The following YWHAZ variants were observed in gnomAD, a reference collection of about 807,000 sequenced individuals.
YWHAZ encodes 14-3-3 protein zeta/delta.
For synonymous variants in YWHAZ, 87 were observed against 103.6 expected, an observed-to-expected ratio of 0.84 and a Z score of 0.97; for missense variants, 79 against 284.8, an observed-to-expected ratio of 0.28 and a Z score of 5.20.
At chr8:100,952,033 T>C, upstream of YWHAZ, 1 of 993,098 alleles carries the variant, frequency 1.0e-6, no homozygotes, top group Non-Finnish European at 1.2e-6. Context: ...TGGATCTCGC[T>C]GCTCACAGGC....
chr8:100,933,124 G>A (rs2130206479), intron 2 of YWHAZ, among the ~76,000 whole-genome samples: 1 of 152,304 alleles, frequency 6.6e-6, no homozygotes, highest in South Asian at 2.1e-4. Context: ...ACTTTGGGAG[G>A]CCGAGGTGGG....
chr8:100,930,651 T>TC (rs943577031), intron 2 of YWHAZ, among the ~76,000 whole-genome samples: 26 of 152,296 alleles, frequency 1.7e-4, no homozygotes, highest in African/African-American at 5.8e-4. Context: ...TTTACTTTTT[T>TC]CCCTCCCATT....
chr8:100,943,442 G>A (rs956999566), intron 2 of YWHAZ, among the ~76,000 whole-genome samples: 1 of 152,084 alleles, frequency 6.6e-6, no homozygotes, highest in Admixed American at 6.5e-5. Flanking sequence ...ATATAAATAT[G>A]CCAAGAGTAA....
upstream of YWHAZ, chr8:100,952,812 G>A (rs1664183937): frequency 2.0e-6 from 2 of 1,000,284 alleles, no homozygotes; most frequent in East Asian, 1.1e-4. Context: ...CGGGGCGCGC[G>A]GCCCCTCCCG....
At chr8:100,950,462 T>C (rs1563693416) in intron 1 of YWHAZ, 1 of 985,494 alleles carries the variant, frequency 1.0e-6, no homozygotes. Flanking sequence ...GACTTTAAAG[T>C]GCAAATTCTC....
chr8:100,949,054 G>C (rs1004991265), intron 1 of YWHAZ, among the ~76,000 whole-genome samples, 154 bp from the exon 2 acceptor site: 2 of 152,088 alleles, frequency 1.3e-5, no homozygotes, highest in Non-Finnish European at 2.9e-5. Flanking sequence ...CTCACAAAAG[G>C]ATAGTCAAAA....
intron 2 of YWHAZ, among the ~76,000 whole-genome samples, chr8:100,931,573 C>G (rs915512025): frequency 2.0e-5 from 3 of 152,088 alleles, no homozygotes; most frequent in Non-Finnish European, 4.4e-5. Flanking sequence ...TGAAATTCCA[C>G]CCTAACCCAT....
Position 100,920,576 on chromosome 8 carries a change from G to A in YWHAZ, c.*117C>T, listed in dbSNP as rs1231499396. 6 of 951,602 alleles carry A rather than the reference G, an allele frequency of 6.3e-6. No individual in the cohort carries two copies. The highest frequency in any genetic ancestry group is 6.6e-6 in the Non-Finnish European group (4 of 605,798). The allele number at this position is 951,602 out of a possible 1,614,324, so 58.9% of individuals were successfully genotyped here. A position where few individuals can be genotyped will look rare whatever the true frequency, so the allele number is the denominator to read the frequency against. ...CATGGGAAATATAGAAATTCAAATA[G>A]AAGTAACATAAACCTGTCATAAATC... On this transcript the variant is annotated 3_prime_UTR_variant, in exon 6 of 6. Transcript: ENST00000395958.
At chr8:100,946,779 T>G (rs572335039) in intron 2 of YWHAZ, among the ~76,000 whole-genome samples, 2 of 151,548 alleles carry the variant, frequency 1.3e-5, no homozygotes, top group East Asian at 3.9e-4. Flanking sequence ...ACACACCCTT[T>G]GAAGCCAAAA....
At chr8:100,945,823 A>G (rs888706034) in intron 2 of YWHAZ, among the ~76,000 whole-genome samples, 8 of 152,090 alleles carry the variant, frequency 5.3e-5, no homozygotes, top group African/African-American at 1.9e-4. Flanking sequence ...AGCTAGGGAA[A>G]TTTTGCAGTG....
chr8:100,932,572 G>T (rs893001187), intron 2 of YWHAZ, among the ~76,000 whole-genome samples: 5 of 152,142 alleles, frequency 3.3e-5, no homozygotes, highest in African/African-American at 1.2e-4. Flanking sequence ...TCTCATTTTT[G>T]CTCCAAAGCT....
rs1586069358 is a variant in YWHAZ at position 100,916,755 on chromosome 8, C to T, written c.*3938G>A. 6.6e-6 allele frequency: 1 copy of T among 152,176 alleles called. No individual in the cohort carries two copies. The highest frequency in any genetic ancestry group is 6.5e-5 in the Admixed American group (1 of 15,276). 9.4% of individuals were successfully genotyped at this position (152,176 alleles called of 1,614,324 possible). ...TGTAACTGCTTCTGCATCCCAGAGA[C>T]ATATATGCCTGCTTGTCTGGCAAGG... On this transcript the variant is annotated 3_prime_UTR_variant, in exon 6 of 6. Transcript: ENST00000395958.
chr8:100,950,346 T>G (rs1023098124), intron 1 of YWHAZ: 3 of 982,498 alleles, frequency 3.1e-6, no homozygotes, highest in Admixed American at 6.1e-5. Flanking sequence ...CAGTAACGAG[T>G]GCTCCAAGGC....
At chr8:100,953,379 G>A (rs1400289427), upstream of YWHAZ, 5 of 985,546 alleles carry the variant, frequency 5.1e-6, no homozygotes, top group African/African-American at 1.7e-5. Context: ...GAGCCCGGAA[G>A]AAGGGGAAGG....
chr8:100,950,657 T>TTGGC lies in YWHAZ; in HGVS notation c.-12+1271_-12+1272insGCCA, dbSNP rs71276929. On this transcript the variant is annotated intron_variant, in intron 1 of 5. Coordinates refer to ENST00000395958, the MANE Select transcript of YWHAZ (RefSeq NM_145690.3). ...GCAGCCCGCGCCCCCGCCCAAGCCG[T>TTGGC]GGGGGGGGGGGAGAGATGGGGAGCG... The TTGGC allele has an allele frequency of 2.5e-5, 18 of 722,700 alleles. No homozygotes were observed. In the South Asian group the frequency reaches 5.3e-4, roughly 21 times the overall value. The allele number at this position is 722,700 out of a possible 1,614,324, so 44.8% of individuals were successfully genotyped here. A position where few individuals can be genotyped will look rare whatever the true frequency, so the allele number is the denominator to read the frequency against.
At chr8:100,941,344 A>G (rs917788708) in intron 2 of YWHAZ, among the ~76,000 whole-genome samples, 1 of 152,230 alleles carries the variant, frequency 6.6e-6, no homozygotes, top group Admixed American at 6.5e-5. Context: ...TTGGATCAAC[A>G]AATAGGTCTG....
intron 2 of YWHAZ, among the ~76,000 whole-genome samples, chr8:100,941,960 T>C (rs987561087): frequency 7.2e-5 from 11 of 152,218 alleles, no homozygotes; most frequent in African/African-American, 2.4e-4. Flanking sequence ...GGCCAACCCA[T>C]TAAGCAAATC....
chr8:100,926,501 G>T (rs1206972044), intron 2 of YWHAZ, among the ~76,000 whole-genome samples: 1 of 152,116 alleles, frequency 6.6e-6, no homozygotes, highest in Non-Finnish European at 1.5e-5. Context: ...CGTGGTGACG[G>T]GCGCCTGTAA....
At chr8:100,940,733 G>A (rs1428450588) in intron 2 of YWHAZ, among the ~76,000 whole-genome samples, 1 of 152,140 alleles carries the variant, frequency 6.6e-6, no homozygotes, top group African/African-American at 2.4e-5. Flanking sequence ...ACATCCTAGA[G>A]GTAGATAGTA....
Sources: gnomAD v4.1 joint callset for allele counts (sites outside exome capture counted in the v4.1 genomes callset) on GRCh38, gnomAD v4.1.1 for gene constraint, MANE v1.5 for transcripts, NCBI Gene and HGNC (gene_info 2026-07-23, HGNC 2026-07-21) for gene names.